PIK3R1: variants seen among roughly 807,000 people sequenced by gnomAD.
PIK3R1 encodes the protein phosphoinositide-3-kinase regulatory subunit 1, also known as phosphatidylinositol 3-kinase regulatory subunit alpha.
Under a neutral mutation model 98.0 loss-of-function variants are expected in PIK3R1, and 29 were observed. The ratio of observed to expected loss-of-function variants is 0.30; its 90% confidence interval spans 0.22 to 0.40. The LOEUF (loss-of-function observed/expected upper bound fraction) is 0.40. Ranked by LOEUF, PIK3R1 falls within the 10% of genes least tolerant of loss-of-function variation. The probability of loss-of-function intolerance (pLI) is 1.00; values close to 1 mark genes in which losing one functional copy is unlikely to be tolerated. For synonymous variants in PIK3R1, 282 were observed against 311.8 expected, an observed-to-expected ratio of 0.90 and a Z score of 1.01; for missense variants, 596 against 872.7, an observed-to-expected ratio of 0.68 and a Z score of 3.99.
At chr5:68,227,286 C>T (rs1410219256) in intron 2 of PIK3R1, among the ~76,000 whole-genome samples, 1 of 152,172 alleles carries the variant, frequency 6.6e-6, no homozygotes, top group Admixed American at 6.5e-5. Context: ...TTGAATTAAA[C>T]ATCTACTATA....
At position 68,296,074 on chromosome 5, in the gene PIK3R1, A is replaced by C. The variant is rs938615462; in HGVS notation, c.1815-97A>C. ...CAGTCTGACTGGCTTGGTAGGGGCC[A>C]GGAGGGAAGTGACGGGGGTATGCCT... is the stretch of plus-strand genomic sequence containing the variant. On this transcript the variant is annotated intron_variant, in intron 14 of 15. Transcript: ENST00000521381. 84 of 1,194,640 alleles carry C rather than the reference A, an allele frequency of 7.0e-5. No individual in the cohort carries two copies. In the African/African-American group the frequency reaches 1.0e-3, roughly 14 times the overall value. The allele number at this position is 1,194,640 out of a possible 1,614,324, so 74.0% of individuals were successfully genotyped here. A position where few individuals can be genotyped will look rare whatever the true frequency, so the allele number is the denominator to read the frequency against.
intron 1 of PIK3R1, among the ~76,000 whole-genome samples, chr5:68,220,685 T>C (rs1744062462): frequency 6.6e-6 from 1 of 152,200 alleles, no homozygotes; most frequent in Admixed American, 6.5e-5. Flanking sequence ...TTACAGCCTA[T>C]ACAGCCTGTT....
At chr5:68,267,525 A>G (rs774307592) in intron 2 of PIK3R1, among the ~76,000 whole-genome samples, 2 of 151,974 alleles carry the variant, frequency 1.3e-5, no homozygotes, top group Non-Finnish European at 2.9e-5. Context: ...TCTGTCGGCA[A>G]CTCTTTTAAT....
chr5:68,262,662 T>C (rs1393045217), intron 2 of PIK3R1, among the ~76,000 whole-genome samples: 7 of 134,932 alleles, frequency 5.2e-5, no homozygotes, highest in Admixed American at 3.6e-4. Context: ...TCTGCATGTA[T>C]ACACATGTAG....
chr5:68,290,703 G>C, intron 7 of PIK3R1: 1 of 1,596,562 alleles, frequency 6.3e-7, no homozygotes, highest in Non-Finnish European at 8.5e-7. Context: ...TTATAACTGA[G>C]CTCAGCCAAG....
chr5:68,277,861 G>A (rs1746644905), intron 4 of PIK3R1, among the ~76,000 whole-genome samples: 1 of 152,138 alleles, frequency 6.6e-6, no homozygotes, highest in Admixed American at 6.5e-5. Flanking sequence ...ACTTCTAGCA[G>A]CACTCCCTTC....
intron 2 of PIK3R1, among the ~76,000 whole-genome samples, chr5:68,260,919 A>AT (rs1745717715): frequency 6.6e-6 from 1 of 152,220 alleles, no homozygotes; most frequent in Non-Finnish European, 1.5e-5. Flanking sequence ...TTTGAATTTT[A>AT]CTGTTCATTC....
chr5:68,280,400 C>T (rs1032882171), intron 5 of PIK3R1, 128 bp from the exon 6 acceptor site: 3 of 688,090 alleles, frequency 4.4e-6, no homozygotes, highest in South Asian at 1.8e-5. Flanking sequence ...CTGTGTGCTT[C>T]TCCCAACAAC....
In PIK3R1 at chr5:68,293,859, T is replaced by TAAAAAATAAGAGTTCTAA. The variant is rs1554051081; in HGVS notation, c.1425+27_1425+44dup. 1.8e-4 allele frequency: 275 copies of TAAAAAATAAGAGTTCTAA among 1,524,546 alleles called. 1 individual carries two copies. In the African/African-American group the frequency reaches 3.6e-3, roughly 20 times the overall value. 94.4% of individuals were successfully genotyped at this position (1,524,546 alleles called of 1,614,324 possible). A position where few individuals can be genotyped will look rare whatever the true frequency, so the allele number is the denominator to read the frequency against. Reference sequence around the variant, plus strand: ...GGTGAGTTTTCTATGAAAATCAGATTAAAAAATAAGAGTTCTAAACTTTTA... The same window carrying TAAAAAATAAGAGTTCTAA: ...GGTGAGTTTTCTATGAAAATCAGATTAAAAAATAAGAGTTCTAAAAAAAATAAGAGTTCTAAACTTTTA... On this transcript the variant is annotated intron_variant, in intron 11 of 15. Transcript: ENST00000521381.
rs150911686 is a variant in PIK3R1 at position 68,290,221 on chromosome 5, G to A, written c.917-2038G>A. On this transcript the variant is annotated intron_variant, in intron 7 of 15. Transcript: ENST00000521381. ...CGTACTGCTTCTCTTATACATGAGA[G>A]ATATCTAAGGACTATAAAACATAAC... is the stretch of plus-strand genomic sequence containing the variant. Among the ~76,000 whole-genome samples the A allele has an allele frequency of 4.6e-3, 698 of 152,304 alleles. 3 individuals carry two copies. Among genetic ancestry groups the A allele is most frequent in the Non-Finnish European group, 7.6e-3 (519 of 68,028 alleles).
intron 1 of PIK3R1, among the ~76,000 whole-genome samples, chr5:68,218,212 A>G (rs535466971): frequency 6.6e-6 from 1 of 152,346 alleles, no homozygotes; most frequent in African/African-American, 2.4e-5. Flanking sequence ...TTGATTATAG[A>G]CAGTGATGAT....
chr5:68,274,779 AACT>A (rs1746504693), intron 4 of PIK3R1, among the ~76,000 whole-genome samples: 1 of 152,210 alleles, frequency 6.6e-6, no homozygotes. Context: ...ATAGATGAAA[AACT>A]ACAAATCAAT....
chr5:68,269,052 A>C (rs183802762), intron 2 of PIK3R1, among the ~76,000 whole-genome samples: 16 of 152,290 alleles, frequency 1.1e-4, no homozygotes, highest in East Asian at 5.8e-4. Context: ...TTCTTCCTAC[A>C]ACCTGGGACA....
chr5:68,253,381 T>C (rs1289384141), intron 2 of PIK3R1, among the ~76,000 whole-genome samples: 1 of 152,108 alleles, frequency 6.6e-6, no homozygotes, highest in African/African-American at 2.4e-5. Context: ...TTGTGAAAGG[T>C]TCCAGCCTTT....
chr5:68,262,792 T>TGTAC (rs1745871168), intron 2 of PIK3R1, among the ~76,000 whole-genome samples: 1 of 4,808 alleles, frequency 2.1e-4, no homozygotes, highest in Non-Finnish European at 4.0e-4. Context: ...TAGATACATG[T>TGTAC]ATACGTAGAT....
rs762202728 is a variant in PIK3R1 at position 68,226,689 on chromosome 5, G to A, written c.14G>A (p.Gly5Glu). 1 of 1,613,034 alleles carries A rather than the reference G, an allele frequency of 6.2e-7. No individual in the cohort carries two copies. Among genetic ancestry groups the A allele is most frequent in the Non-Finnish European group, 8.5e-7 (1 of 1,179,466 alleles). Residue 5 changes from glycine to glutamate, a missense_variant, in exon 2 of 16, where the codon GGG becomes GAG. Around this residue, in one of 3 missense-constraint regions of PIK3R1, gnomAD observed 352 missense variants for 393.3 expected, o/e 0.90. Coordinates refer to ENST00000521381, the MANE Select transcript of PIK3R1 (RefSeq NM_181523.3). ...AGATTTGCAAACATGAGTGCTGAGG[G>A]GTACCAGTACAGAGCGCTGTATGAT... is the stretch of plus-strand genomic sequence containing the variant. MSAE[G>E]YQYRALYDYK...
chr5:68,289,558 G>A (rs902613841), intron 7 of PIK3R1, among the ~76,000 whole-genome samples: 1 of 151,474 alleles, frequency 6.6e-6, no homozygotes, highest in African/African-American at 2.4e-5. Flanking sequence ...TTGGGGAAGA[G>A]CCCCTCCCCC....
intron 1 of PIK3R1, among the ~76,000 whole-genome samples, chr5:68,216,769 C>CAGCTCTAACACTAGTG (rs1192759166): frequency 2.0e-5 from 3 of 152,242 alleles, no homozygotes; most frequent in African/African-American, 7.2e-5. Context: ...CTGGAAACCA[C>CAGCTCTAACACTAGTG]AGCTCTAACC....
At chr5:68,235,290 C>G (rs1192239914) in intron 2 of PIK3R1, among the ~76,000 whole-genome samples, 1 of 151,952 alleles carries the variant, frequency 6.6e-6, no homozygotes, top group African/African-American at 2.4e-5. Context: ...GTAATCCCAG[C>G]TACTAGGGAG....
Sources: allele counts gnomAD v4.1 joint callset (sites outside exome capture counted in the v4.1 genomes callset), GRCh38; gene constraint gnomAD v4.1.1; regional missense constraint gnomAD v4.1.1; transcripts MANE v1.5; gene names NCBI Gene and HGNC (gene_info 2026-07-23, HGNC 2026-07-21).